The following PCDH15 variants were observed in gnomAD, a reference collection of about 807,000 sequenced individuals.
PCDH15 encodes the protein protocadherin-15.
Under a neutral mutation model 178.5 loss-of-function variants are expected in PCDH15, and 129 were observed. The observed-to-expected ratio is 0.72, with a 90% CI of 0.63 to 0.84. The LOEUF is 0.84. Ranked by LOEUF, PCDH15 falls within the 40% of genes least tolerant of loss-of-function variation. PCDH15 has a pLI of 0.00. For missense variants in PCDH15, 2,230 were observed against 2,099.9 expected (o/e 1.06, Z -1.21); for synonymous variants, 800 against 732.0 (o/e 1.09, Z -1.50).
intron 1 of PCDH15, among the ~76,000 whole-genome samples, chr10:54,787,549 T>C (rs758595607): frequency 1.2e-4 from 18 of 151,990 alleles, no homozygotes; most frequent in Non-Finnish European, 2.1e-4. Context: ...CAAGTTACAC[T>C]ACCTCTATAT....
At chr10:55,166,346 A>T (rs1000966392) in intron 2 of PCDH15, among the ~76,000 whole-genome samples, 5 of 152,138 alleles carry the variant, frequency 3.3e-5, no homozygotes, top group African/African-American at 1.2e-4. Context: ...AACAACAGGT[A>T]TTTCACTTCT....
chr10:53,816,662 C>T (rs982442859), intron 34 of PCDH15, among the ~76,000 whole-genome samples: 2 of 152,076 alleles, frequency 1.3e-5, no homozygotes, highest in Non-Finnish European at 2.9e-5. Flanking sequence ...AGTTGCCCTT[C>T]TTTTTTTCCT....
intron 2 of PCDH15, among the ~76,000 whole-genome samples, chr10:55,137,091 T>C (rs1396225169): frequency 2.0e-5 from 3 of 152,222 alleles, no homozygotes; most frequent in African/African-American, 7.2e-5. Flanking sequence ...AAACTGCCTC[T>C]TGTTATATAG....
At chr10:53,907,278 AC>A (rs1378059740) in intron 25 of PCDH15, 3 of 152,062 alleles carry the variant, frequency 2.0e-5, no homozygotes, top group African/African-American at 7.3e-5. Context: ...ACTTACAAAA[AC>A]TTTTTTTCCA....
intron 2 of PCDH15, among the ~76,000 whole-genome samples, chr10:55,077,998 A>G (rs1209977918): frequency 6.6e-6 from 1 of 152,166 alleles, no homozygotes; most frequent in Non-Finnish European, 1.5e-5. Flanking sequence ...CATTTCTTGT[A>G]GGACTGGTCT....
At chr10:55,425,829 G>A (rs1337983830) in intron 2 of PCDH15, among the ~76,000 whole-genome samples, 2 of 152,002 alleles carry the variant, frequency 1.3e-5, no homozygotes, top group Non-Finnish European at 2.9e-5. Context: ...AGTGTATTTT[G>A]TTATGACAAA....
intron 33 of PCDH15, among the ~76,000 whole-genome samples, chr10:53,818,683 G>C (rs1002851575): frequency 6.6e-6 from 1 of 152,012 alleles, no homozygotes; most frequent in Non-Finnish European, 1.5e-5. Flanking sequence ...AGAATATAGA[G>C]TTTTCAAAGT....
At chr10:54,699,108 G>C (rs1236812210) in intron 1 of PCDH15, among the ~76,000 whole-genome samples, 4 of 152,048 alleles carry the variant, frequency 2.6e-5, no homozygotes, top group African/African-American at 9.7e-5. Context: ...TCTAGTGTCT[G>C]AAATCATAAT....
At chr10:55,188,082 A>G (rs1839845495) in intron 1 of PCDH15, among the ~76,000 whole-genome samples, 1 of 151,938 alleles carries the variant, frequency 6.6e-6, no homozygotes, top group African/African-American at 2.4e-5. Context: ...CTAGAAGGTA[A>G]AATCAATAGA....
chr10:54,575,065 C>A (rs1391945865), intron 2 of PCDH15, among the ~76,000 whole-genome samples: 1 of 135,498 alleles, frequency 7.4e-6, no homozygotes, highest in Admixed American at 7.7e-5. Context: ...AAACCAAGCA[C>A]CACATATTCT....
At chr10:54,339,519 G>T (rs1455355662) in intron 6 of PCDH15, among the ~76,000 whole-genome samples, 1 of 152,096 alleles carries the variant, frequency 6.6e-6, no homozygotes, top group Non-Finnish European at 1.5e-5. Context: ...GATAATTCAA[G>T]TGGTACTTAA....
chr10:54,787,020 T>C (rs1950940780), intron 1 of PCDH15, among the ~76,000 whole-genome samples: 1 of 151,860 alleles, frequency 6.6e-6, no homozygotes, highest in Non-Finnish European at 1.5e-5. Flanking sequence ...TAGAAGATTA[T>C]CCTACAAAGT....
At chr10:55,044,536 G>A (rs2131980805) in intron 2 of PCDH15, among the ~76,000 whole-genome samples, 1 of 152,044 alleles carries the variant, frequency 6.6e-6, no homozygotes, top group Admixed American at 6.6e-5. Flanking sequence ...TCAATTCATA[G>A]GAAATCAGAG....
intron 1 of PCDH15, among the ~76,000 whole-genome samples, chr10:55,203,189 T>C (rs1417808838): frequency 6.6e-6 from 1 of 152,074 alleles, no homozygotes; most frequent in Non-Finnish European, 1.5e-5. Context: ...GTGTCCTTTT[T>C]CAAAGGGATG....
At chr10:54,965,379 C>G (rs1337009073) in intron 2 of PCDH15, among the ~76,000 whole-genome samples, 1 of 152,030 alleles carries the variant, frequency 6.6e-6, no homozygotes, top group Non-Finnish European at 1.5e-5. Flanking sequence ...CTCATGAGAT[C>G]TGATGGTTTT....
At chr10:54,344,904 C>CAAAA (rs57295345) in intron 6 of PCDH15, among the ~76,000 whole-genome samples, 25 of 78,870 alleles carry the variant, frequency 3.2e-4, no homozygotes, top group East Asian at 1.4e-3. Context: ...AGAAACAAAG[C>CAAAA]AAAAAAAAAA....
In PCDH15 at chr10:54,206,691, T is replaced by G. The variant is rs116268052; in HGVS notation, c.1098+7245A>C. 9.1e-3 allele frequency among the ~76,000 whole-genome samples: 944 copies of G among 103,440 alleles called. 9 individuals are homozygous for G. The highest frequency in any genetic ancestry group is 0.031 in the African/African-American group (777 of 24,988). 67.9% of individuals were successfully genotyped at this position (103,440 alleles called of 152,430 possible). On this transcript the variant is annotated intron_variant, in intron 10 of 37. Coordinates refer to ENST00000644397, the MANE Select transcript of PCDH15 (RefSeq NM_001384140.1). ...TTATTTTTCAGAGCCTAGAAGGTATTGAGGGTGAGAGGTCAATATTTCTCC... is the reference window on the plus strand; with the variant it reads ...TTATTTTTCAGAGCCTAGAAGGTATGGAGGGTGAGAGGTCAATATTTCTCC...
intron 2 of PCDH15, among the ~76,000 whole-genome samples, chr10:55,380,156 G>C (rs923603460): frequency 1.3e-5 from 2 of 152,136 alleles, no homozygotes; most frequent in African/African-American, 4.8e-5. Flanking sequence ...GTCTCATAAA[G>C]TGACAGGCAA....
chr10:54,209,601 A>C (rs2051189040), intron 10 of PCDH15, among the ~76,000 whole-genome samples: 1 of 152,094 alleles, frequency 6.6e-6, no homozygotes, highest in Non-Finnish European at 1.5e-5. Flanking sequence ...GGATGTATAT[A>C]GTTTGCTATA....
Sources: allele counts gnomAD v4.1 joint callset (sites outside exome capture counted in the v4.1 genomes callset), GRCh38; gene constraint gnomAD v4.1.1; transcripts MANE v1.5; gene names NCBI Gene and HGNC (gene_info 2026-07-23, HGNC 2026-07-21).